The following KDM2A variants were observed in gnomAD, a reference collection of about 807,000 sequenced individuals.
The protein encoded by KDM2A is lysine-specific demethylase 2A.
In KDM2A, 3 loss-of-function variants were observed where a neutral mutation model predicts 137.3. The ratio of observed to expected loss-of-function variants is 0.02; its 90% CI spans 0.01 to 0.06. The LOEUF (loss-of-function observed/expected upper bound fraction) is 0.06. Ranked by LOEUF, KDM2A falls within the 10% of genes least tolerant of loss-of-function variation. The probability of loss-of-function intolerance (pLI) is 1.00; values close to 1 mark genes in which losing one functional copy is unlikely to be tolerated. For synonymous variants in KDM2A, 512 were observed against 541.5 expected, an observed-to-expected ratio of 0.95 and a Z score of 0.76; for missense variants, 738 against 1,510.6, an observed-to-expected ratio of 0.49 and a Z score of 8.48.
intron 2 of KDM2A, among the ~76,000 whole-genome samples, chr11:67,170,924 T>C (rs1389387581): frequency 1.3e-5 from 2 of 152,162 alleles, no homozygotes; most frequent in African/African-American, 4.8e-5. Context: ...AGAACCAAAG[T>C]ACCTGGGTTC....
rs1859376267 is a variant in KDM2A at position 67,250,333 on chromosome 11, C to G, written c.2303C>G (p.Thr768Arg). 1 of 1,613,940 alleles carries G rather than the reference C, an allele frequency of 6.2e-7. No homozygotes were observed. Among genetic ancestry groups the G allele is most frequent in the Non-Finnish European group, 8.5e-7 (1 of 1,179,882 alleles). Residue 768 changes from threonine (T) to arginine (R), a missense_variant, in exon 17 of 21, where the codon ACA becomes AGA. Coordinates refer to ENST00000529006, the MANE Select transcript of KDM2A (RefSeq NM_012308.3). This position sits in a 1 kb window ranked among gnomAD's most constrained non-coding sequence, Gnocchi z 7.1. ...KRRQLLRLQA[T>R]ERTMVREKEN... Reference sequence around the variant, plus strand: ...CGGCAGTTGCTGCGGCTGCAGGCCACAGAGCGCACCATGGTACGGGAAAAG... The same window carrying G: ...CGGCAGTTGCTGCGGCTGCAGGCCAGAGAGCGCACCATGGTACGGGAAAAG...
intron 5 of KDM2A, among the ~76,000 whole-genome samples, chr11:67,198,986 C>T (rs1345324485): frequency 6.6e-6 from 1 of 151,940 alleles, no homozygotes; most frequent in Non-Finnish European, 1.5e-5. Context: ...ACCATGTTGG[C>T]CAGGGTGATC....
intron 5 of KDM2A, among the ~76,000 whole-genome samples, chr11:67,185,917 G>A (rs1009248702): frequency 5.3e-5 from 8 of 151,688 alleles, no homozygotes; most frequent in Non-Finnish European, 8.8e-5. Flanking sequence ...AACTGTGAGC[G>A]AATAAATTTC....
At chr11:67,196,081 G>A in intron 5 of KDM2A, 1 of 396,328 alleles carries the variant, frequency 2.5e-6, no homozygotes, top group Non-Finnish European at 5.1e-6. Flanking sequence ...GTTAAGCTGA[G>A]TCACACGAAC....
chr11:67,157,617 C>T (rs551448065), intron 2 of KDM2A, among the ~76,000 whole-genome samples: 35 of 151,320 alleles, frequency 2.3e-4, no homozygotes, highest in Non-Finnish European at 7.4e-5. Flanking sequence ...CAGTGGCACG[C>T]GCCTGAAATC....
chr11:67,170,959 A>G (rs1487326548), intron 2 of KDM2A, among the ~76,000 whole-genome samples: 1 of 152,170 alleles, frequency 6.6e-6, no homozygotes, highest in East Asian at 1.9e-4. Flanking sequence ...ATCAATTACT[A>G]GCTTTGTAAC....
chr11:67,253,401 G>T lies in KDM2A; in HGVS notation c.2933-52G>T, dbSNP rs1017607558. ...ACTTTGCTCAGATCGTTACGGCTCTGAGTATGCTGGGAAACAGTGTATTAT... is the reference window on the plus strand; with the variant it reads ...ACTTTGCTCAGATCGTTACGGCTCTTAGTATGCTGGGAAACAGTGTATTAT... On this transcript the variant is annotated intron_variant, in intron 18 of 20. Coordinates refer to ENST00000529006, the MANE Select transcript of KDM2A (RefSeq NM_012308.3). 3.9e-6 allele frequency: 6 copies of T among 1,531,284 alleles called. No homozygotes were observed. The African/African-American group carries it at 8.2e-5, about 21-fold the overall frequency. 94.9% of individuals were successfully genotyped at this position (1,531,284 alleles called of 1,614,324 possible).
At chr11:67,135,212 G>T (rs1045175665) in intron 2 of KDM2A, among the ~76,000 whole-genome samples, 4 of 151,986 alleles carry the variant, frequency 2.6e-5, no homozygotes, top group African/African-American at 9.7e-5. Context: ...GGGATTACAG[G>T]TATGCACCAC....
intron 6 of KDM2A, among the ~76,000 whole-genome samples, chr11:67,209,929 A>T (rs1857927534): frequency 6.6e-6 from 1 of 151,804 alleles, no homozygotes; most frequent in Non-Finnish European, 1.5e-5. Context: ...GCATGGTGGC[A>T]TGCACCTGTA....
rs1167236255 is a variant in KDM2A at position 67,245,831 on chromosome 11, A to G, written c.1834-154A>G. On this transcript the variant is annotated intron_variant, in intron 14 of 20. Coordinates refer to ENST00000529006, the MANE Select transcript of KDM2A (RefSeq NM_012308.3). The surrounding 1 kb of genome is among the most constrained non-coding windows in gnomAD (Gnocchi z 4.1). ...CTCCTCTTCCCCAGTCATTTTTCCT[A>G]CCCAAAACCTCCGTTCTCTCCACCC... The G allele has an allele frequency of 1.2e-6, 1 of 855,838 alleles. No homozygotes were observed. Among genetic ancestry groups the G allele is most frequent in the Non-Finnish European group, 1.8e-6 (1 of 568,902 alleles). The allele number at this position is 855,838 out of a possible 1,614,324, so 53.0% of individuals were successfully genotyped here.
intron 5 of KDM2A, chr11:67,195,916 T>C (rs1456681769): frequency 2.3e-5 from 9 of 398,570 alleles, no homozygotes; most frequent in Non-Finnish European, 4.1e-5. Flanking sequence ...GGAATAATTT[T>C]TCTACCACTT....
At chr11:67,154,032 T>C (rs1188461232) in intron 2 of KDM2A, among the ~76,000 whole-genome samples, 1 of 152,214 alleles carries the variant, frequency 6.6e-6, no homozygotes, top group Non-Finnish European at 1.5e-5. Flanking sequence ...ACGGTTATAC[T>C]GAAGAAAATT....
chr11:67,162,272 A>G (rs1246963449), intron 2 of KDM2A, among the ~76,000 whole-genome samples: 2 of 152,338 alleles, frequency 1.3e-5, no homozygotes, highest in East Asian at 1.9e-4. Context: ...AATCATAGCA[A>G]TAAGTGCCAA....
intron 5 of KDM2A, among the ~76,000 whole-genome samples, chr11:67,185,004 A>G (rs1363335535): frequency 6.6e-6 from 1 of 152,240 alleles, no homozygotes; most frequent in African/African-American, 2.4e-5. Context: ...AAGGAAAAAA[A>G]TCAACAGAAA....
chr11:67,150,027 T>C (rs1485200172), intron 2 of KDM2A, among the ~76,000 whole-genome samples: 1 of 152,148 alleles, frequency 6.6e-6, no homozygotes, highest in Non-Finnish European at 1.5e-5. Flanking sequence ...TGGCCTAGAA[T>C]CTGTATTTTA....
intron 12 of KDM2A, among the ~76,000 whole-genome samples, chr11:67,242,391 T>A (rs1346348102): frequency 3.3e-5 from 5 of 152,144 alleles, no homozygotes; most frequent in Non-Finnish European, 5.9e-5. Flanking sequence ...ATCTGCACAT[T>A]AGGCTGTACC....
intron 2 of KDM2A, among the ~76,000 whole-genome samples, chr11:67,157,949 AT>A (rs1484917533): frequency 6.6e-6 from 1 of 152,146 alleles, no homozygotes; most frequent in Admixed American, 6.6e-5. Context: ...ATACATTGTT[AT>A]TTAACTATAA....
chr11:67,249,692 CAAACTT>C (rs1268767611), intron 16 of KDM2A, among the ~76,000 whole-genome samples: 1 of 152,126 alleles, frequency 6.6e-6, no homozygotes, highest in African/African-American at 2.4e-5. Context: ...CTGGTGGAGT[CAAACTT>C]AGACTGTGGT....
At chr11:67,175,805 A>G (rs1046473601) in intron 2 of KDM2A, among the ~76,000 whole-genome samples, 4 of 152,236 alleles carry the variant, frequency 2.6e-5, no homozygotes, top group Non-Finnish European at 4.4e-5. Flanking sequence ...CTAAAAATGC[A>G]AGTGAGTGCT....
Sources: gnomAD v4.1 joint callset for allele counts (sites outside exome capture counted in the v4.1 genomes callset) on GRCh38, gnomAD v4.1.1 for gene constraint, Gnocchi (gnomAD v3.1) non-coding constraint, MANE v1.5 for transcripts, NCBI Gene and HGNC (gene_info 2026-07-23, HGNC 2026-07-21) for gene names.